The following CDH8 variants were observed in gnomAD, a reference collection of about 807,000 sequenced individuals.
CDH8 encodes cadherin 8.
A neutral mutation model predicts 68.1 loss-of-function variants in CDH8; 17 were observed. The ratio of observed to expected loss-of-function variants is 0.25; its 90% confidence interval spans 0.17 to 0.37. The LOEUF (loss-of-function observed/expected upper bound fraction) is 0.37. Ranked by LOEUF, CDH8 falls within the 10% of genes least tolerant of loss-of-function variation. CDH8 has a pLI of 1.00. For missense variants in CDH8, 763 were observed against 999.3 expected (o/e 0.76, Z 3.19); for synonymous variants, 372 against 365.1 (o/e 1.02, Z -0.21).
chr16:61,874,709 T>C (rs919359306), intron 3 of CDH8, among the ~76,000 whole-genome samples: 2 of 152,302 alleles, frequency 1.3e-5, no homozygotes, highest in South Asian at 2.1e-4. Flanking sequence ...ACAGCCCCAA[T>C]TGAGAATATT....
intron 2 of CDH8, among the ~76,000 whole-genome samples, chr16:61,998,491 G>A (rs1244448212): frequency 6.6e-6 from 1 of 152,082 alleles, no homozygotes. Flanking sequence ...AAGACTCTTC[G>A]ATCTAGCATA....
chr16:61,751,460 A>T (rs1258770165), intron 8 of CDH8, among the ~76,000 whole-genome samples: 1 of 151,760 alleles, frequency 6.6e-6, no homozygotes, highest in African/African-American at 2.4e-5. Context: ...ACACTCTTAA[A>T]AAAATGGCTT....
intron 8 of CDH8, among the ~76,000 whole-genome samples, chr16:61,755,649 CTT>C (rs1488391201): frequency 1.3e-5 from 2 of 152,170 alleles, no homozygotes; most frequent in Non-Finnish European, 2.9e-5. Context: ...ATGATTTTCT[CTT>C]TTATTTTATT....
intron 2 of CDH8, among the ~76,000 whole-genome samples, chr16:61,998,456 T>C (rs979041977): frequency 1.3e-5 from 2 of 152,190 alleles, no homozygotes; most frequent in Non-Finnish European, 2.9e-5. Context: ...GAATTGGGTA[T>C]TTTAACATAG....
chr16:61,930,074 T>C (rs892167932), intron 2 of CDH8, among the ~76,000 whole-genome samples: 1 of 152,088 alleles, frequency 6.6e-6, no homozygotes, highest in Admixed American at 6.5e-5. Flanking sequence ...AGAAGGTTGA[T>C]TGTTAATCAG....
rs141035181 is a variant in CDH8, at chr16:61,830,704, G to C, written c.668-5525C>G. Among the ~76,000 whole-genome samples, 970 of 151,764 alleles carry C rather than the reference G, an allele frequency of 6.4e-3. 8 individuals are homozygous for C. Among genetic ancestry groups the C allele is most frequent in the African/African-American group, 0.023 (933 of 41,466 alleles). On this transcript the variant is annotated intron_variant, in intron 4 of 11. Transcript: ENST00000577390. ...CATAAGTTTAACCTTCCATTACACC[G>C]GTGCGGCGACAAGTTAGTGGTCTCA...
chr16:61,668,043 C>A (rs1442042721), intron 10 of CDH8, among the ~76,000 whole-genome samples: 1 of 151,846 alleles, frequency 6.6e-6, no homozygotes, highest in Non-Finnish European at 1.5e-5. Context: ...GTTATGACAC[C>A]TTTATTAGAG....
At chr16:61,917,648 G>C (rs1964265535) in intron 2 of CDH8, among the ~76,000 whole-genome samples, 1 of 152,182 alleles carries the variant, frequency 6.6e-6, no homozygotes, top group Non-Finnish European at 1.5e-5. Context: ...GTTGTAGCTT[G>C]TTATGTATGT....
chr16:61,666,178 C>CTGTG (rs370163800), intron 10 of CDH8, among the ~76,000 whole-genome samples: 2,705 of 144,160 alleles, frequency 0.019, 66 homozygotes, highest in East Asian at 0.059. Context: ...AGCACATACT[C>CTGTG]TGTGTGTGTG....
intron 2 of CDH8, among the ~76,000 whole-genome samples, chr16:61,999,810 T>C (rs899673036): frequency 2.6e-5 from 4 of 152,160 alleles, no homozygotes; most frequent in Non-Finnish European, 5.9e-5. Context: ...TTTATTTTAC[T>C]TTAAGTCCTG....
At chr16:61,915,303 G>A (rs1166186412) in intron 2 of CDH8, among the ~76,000 whole-genome samples, 1 of 152,070 alleles carries the variant, frequency 6.6e-6, no homozygotes, top group African/African-American at 2.4e-5. Flanking sequence ...TACTAATTGA[G>A]AGTATCCCTA....
At chr16:61,782,868 A>G (rs1961118640) in intron 8 of CDH8, among the ~76,000 whole-genome samples, 2 of 152,318 alleles carry the variant, frequency 1.3e-5, no homozygotes, top group South Asian at 4.2e-4. Flanking sequence ...ACAGACCTGC[A>G]GCTGAGGGTC....
intron 4 of CDH8, among the ~76,000 whole-genome samples, chr16:61,849,591 G>A (rs1347818769): frequency 6.6e-6 from 1 of 152,154 alleles, no homozygotes; most frequent in Non-Finnish European, 1.5e-5. Context: ...TGAATCAGCT[G>A]TGGGATTGGT....
intron 10 of CDH8, among the ~76,000 whole-genome samples, chr16:61,689,113 C>T (rs1258707501): frequency 2.0e-5 from 3 of 151,960 alleles, no homozygotes; most frequent in African/African-American, 7.2e-5. Flanking sequence ...CATAGACTTC[C>T]AGCTTGTTCC....
chr16:61,720,986 T>G (rs1277203108), intron 9 of CDH8, among the ~76,000 whole-genome samples: 3 of 150,698 alleles, frequency 2.0e-5, no homozygotes, highest in Non-Finnish European at 4.5e-5. Flanking sequence ...TATATCTATA[T>G]CTATCTAGTT....
At chr16:61,968,165 T>G (rs1965284815) in intron 2 of CDH8, among the ~76,000 whole-genome samples, 1 of 152,152 alleles carries the variant, frequency 6.6e-6, no homozygotes, top group African/African-American at 2.4e-5. Flanking sequence ...ACCTGGAGGG[T>G]AGTTTTATGC....
intron 2 of CDH8, chr16:61,940,664 G>A (rs889149824): frequency 2.0e-5 from 3 of 152,452 alleles, no homozygotes; most frequent in Admixed American, 1.3e-4. Context: ...GCCTCCCAAA[G>A]TTCTGGGATT....
At chr16:62,014,904 G>GT (rs963736836) in intron 2 of CDH8, among the ~76,000 whole-genome samples, 57 of 149,146 alleles carry the variant, frequency 3.8e-4, no homozygotes, top group Non-Finnish European at 6.0e-4. Flanking sequence ...GAGCAGACTG[G>GT]TTTTTTTTTT....
chr16:61,901,350 G>T lies in CDH8; in HGVS notation c.376C>A (p.Arg126=). 6.2e-7 allele frequency: 1 copy of T among 1,613,774 alleles called. No homozygotes were observed. The highest frequency in any genetic ancestry group is 2.2e-5 in the East Asian group (1 of 44,856). Residue 126 remains arginine, a synonymous_variant, in exon 3 of 12, where the codon CGG becomes AGG. Coordinates refer to ENST00000577390, the MANE Select transcript of CDH8 (RefSeq NM_001796.5). ...AGGGTATACTCAGCCTTTTCCTCCC[G>T]GTCAAGTCTTTTTATAGCATGGATA... ...GDIHAIKRLD[R]EEKAEYTLTA...
Sources: gnomAD v4.1 joint callset for allele counts (sites outside exome capture counted in the v4.1 genomes callset) on GRCh38, gnomAD v4.1.1 for gene constraint, MANE v1.5 for transcripts, NCBI Gene and HGNC (gene_info 2026-07-23, HGNC 2026-07-21) for gene names.